Variants in SDR39U1 observed in about 807,000 individuals in gnomAD.
SDR39U1 encodes short chain dehydrogenase/reductase family 39U member 1.
In SDR39U1, 29 loss-of-function variants were observed where a neutral mutation model predicts 31.7. The observed-to-expected ratio is 0.92, with a 90% CI of 0.68 to 1.25. The LOEUF (loss-of-function observed/expected upper bound fraction) is 1.25, where lower values mean the gene tolerates loss of function less well. Among genes scored for constraint, SDR39U1 ranks in the 50% most tolerant of loss-of-function variants. The pLI is 0.00. For missense variants in SDR39U1, 403 were observed against 378.4 expected (o/e 1.06, Z -0.54); for synonymous variants, 147 against 159.0 (o/e 0.92, Z 0.57).
At chr14:24,441,855 C>T in intron 3 of SDR39U1, 60 bp from the exon 4 acceptor site, 1 of 1,560,514 alleles carries the variant, frequency 6.4e-7, no homozygotes, top group Non-Finnish European at 8.7e-7. Context: ...ATATCCCTCT[C>T]TCTGTCTTTT....
In SDR39U1 at chr14:24,440,439, G is replaced by A. The variant is rs747743173; in HGVS notation, c.526C>T (p.Arg176Cys). 5.0e-6 allele frequency: 8 copies of A among 1,611,736 alleles called. No individual in the cohort carries two copies. Among genetic ancestry groups the A allele is most frequent in the African/African-American group, 1.3e-5 (1 of 74,888 alleles). ...GAMGHMLLPF[R>C]LGLGGPIGSG... ...CCGATGGGGCCCCCCAGGCCCAGGC[G>A]AAAGGGCAGCAGCATGTGGCCCATG... The change falls in exon 6 of 6, where the codon CGC becomes TGC. Residue 176 changes from arginine to cysteine, a missense_variant. Physicochemically the swap from Arg to Cys is radical, Grantham distance 180 (BLOSUM62 -3). Coordinates refer to ENST00000399395, the MANE Select transcript of SDR39U1 (RefSeq NM_020195.3).
In SDR39U1 at chr14:24,442,262, T is replaced by A. The variant is rs752705077; in HGVS notation, c.124-2A>T. 3.7e-6 allele frequency: 6 copies of A among 1,608,870 alleles called. No homozygotes were observed. The highest frequency in any genetic ancestry group is 4.5e-5 in the East Asian group (2 of 44,604). Reference sequence around the variant, plus strand: ...CAGCCCCGATGCAGCGAGCTCATCCTGTCGGAGAAAGCACACAGTGCCCCT... The same window carrying A: ...CAGCCCCGATGCAGCGAGCTCATCCAGTCGGAGAAAGCACACAGTGCCCCT... On this transcript the variant is annotated splice_acceptor_variant, in intron 2 of 5. Coordinates refer to ENST00000399395, the MANE Select transcript of SDR39U1 (RefSeq NM_020195.3). LOFTEE classifies it high-confidence loss of function.
Position 24,440,126 on chromosome 14 carries a change from G to T in SDR39U1, c.839C>A (p.Ser280Tyr). 1 of 1,612,092 alleles carries T rather than the reference G, an allele frequency of 6.2e-7. No homozygotes were observed. The highest frequency in any genetic ancestry group is 8.5e-7 in the Non-Finnish European group (1 of 1,178,560). The change falls in exon 6 of 6, where the codon TCC (serine) becomes TAC (tyrosine). Residue 280 changes from serine (S) to tyrosine (Y), a missense_variant. Coordinates refer to ENST00000399395, the MANE Select transcript of SDR39U1 (RefSeq NM_020195.3). ...TAAGGCAGCCCCTAGCTCTGGGAAG[G>T]AATACTGGTAGCCAGTGGCCAGTGT... ...QRTLATGYQY[S>Y]FPELGAALKE...
intron 1 of SDR39U1, 86 bp downstream of exon 1, chr14:24,442,668 T>C: frequency 6.5e-7 from 1 of 1,550,308 alleles, no homozygotes; most frequent in Non-Finnish European, 8.9e-7. Context: ...GCCTGTGCAC[T>C]AGACAGTGCC....
chr14:24,442,471 T>C lies in SDR39U1; in HGVS notation c.17-19A>G. ...CCGCCACCTGATCGGAAAATACAAATTGTTTATATTCCCGTGGAGTTGGGG... is the reference window on the plus strand; with the variant it reads ...CCGCCACCTGATCGGAAAATACAAACTGTTTATATTCCCGTGGAGTTGGGG... On this transcript the variant is annotated intron_variant, in intron 1 of 5. Transcript: ENST00000399395. The C allele has an allele frequency of 1.9e-6, 3 of 1,577,846 alleles. No homozygotes were observed. The highest frequency in any genetic ancestry group is 2.6e-6 in the Non-Finnish European group (3 of 1,159,820).
intron 4 of SDR39U1, chr14:24,441,296 AG>A (rs2043331445): frequency 2.3e-6 from 1 of 442,766 alleles, no homozygotes; most frequent in Non-Finnish European, 4.1e-6. Flanking sequence ...CCTACCTCAT[AG>A]GGTTGTTGTA....
Position 24,442,258 on chromosome 14 carries a change from A to G in SDR39U1, c.126T>C (p.Asp42=). 6.2e-7 allele frequency: 1 copy of G among 1,608,774 alleles called. No individual in the cohort carries two copies. The part of the protein sequence containing the change: ...RKPGPGRITW[D]ELAASGLPSC... ...TCGGCAGCCCCGATGCAGCGAGCTCATCCTGTCGGAGAAAGCACACAGTGC... is the reference window on the plus strand; with the variant it reads ...TCGGCAGCCCCGATGCAGCGAGCTCGTCCTGTCGGAGAAAGCACACAGTGC... The change falls in exon 3 of 6, where the codon GAT becomes GAC. Residue 42 remains aspartate (D), a splice_region_variant and synonymous_variant. Coordinates refer to ENST00000399395, the MANE Select transcript of SDR39U1 (RefSeq NM_020195.3).
intron 4 of SDR39U1, chr14:24,441,213 C>G: frequency 1.9e-6 from 1 of 514,092 alleles, no homozygotes; most frequent in Non-Finnish European, 3.5e-6. Flanking sequence ...CATTTATTAA[C>G]TCTCTGACTT....
In SDR39U1 at chr14:24,442,445, C is replaced by T; in HGVS notation, c.24G>A (p.Gly8=). ...TTAGGGCTGTCCCAATGAAGCCTGT[C>T]CCGCCACCTGATCGGAAAATACAAA... MRVLVGG[G]TGFIGTALTQ... The change falls in exon 2 of 6, where the codon GGG becomes GGA. Residue 8 remains glycine (G), a synonymous_variant. Coordinates refer to ENST00000399395, the MANE Select transcript of SDR39U1 (RefSeq NM_020195.3). The T allele has an allele frequency of 1.2e-6, 2 of 1,604,954 alleles. No homozygotes were observed. Among genetic ancestry groups the T allele is most frequent in the Non-Finnish European group, 1.7e-6 (2 of 1,175,588 alleles).
chr14:24,441,359 T>C (rs2043334064), intron 4 of SDR39U1: 1 of 463,420 alleles, frequency 2.2e-6, no homozygotes, highest in Non-Finnish European at 3.8e-6. Flanking sequence ...CTGGTGTGTA[T>C]AATTGTTTGC....
At position 24,442,394 on chromosome 14, in the gene SDR39U1, G is replaced by C; in HGVS notation, c.75C>G (p.His25Gln). The change falls in exon 2 of 6, where the codon CAC becomes CAG. Residue 25 changes from histidine (H) to glutamine (Q), a missense_variant. His to Gln is a conservative substitution (Grantham distance 24, BLOSUM62 0). Transcript: ENST00000399395. The part of the protein sequence containing the change: ...ALTQLLNARG[H>Q]EVTLVSRKPG... ...GCTTTCGGGAGACCAACGTCACTTC[G>C]TGGCCTCTGGCATTCAGCAGCTGGG... 2 of 1,611,844 alleles carry C rather than the reference G, an allele frequency of 1.2e-6. No individual in the cohort carries two copies. Among genetic ancestry groups the C allele is most frequent in the Non-Finnish European group, 1.7e-6 (2 of 1,179,018 alleles).
upstream of SDR39U1, chr14:24,442,825 G>T: frequency 1.3e-6 from 2 of 1,595,480 alleles, no homozygotes; most frequent in Non-Finnish European, 1.7e-6. Context: ...CACCTCAGAC[G>T]CGACTACGAC....
In SDR39U1 at chr14:24,442,217, A is replaced by ACGGCGGCATCGCAGCTCGG. The variant is rs1341073030; in HGVS notation, c.148_166dup (p.Val56AlafsTer23). On this transcript the variant is annotated frameshift_variant, in exon 3 of 6. Transcript: ENST00000399395. LOFTEE classifies it high-confidence loss of function. ...GAGGATGTTCTCTCCGGCCAGGTTG[A>ACGGCGGCATCGCAGCTCGG]CGGCGGCATCGCAGCTCGGCAGCCC... 1 of 1,611,772 alleles carries ACGGCGGCATCGCAGCTCGG rather than the reference A, an allele frequency of 6.2e-7. No homozygotes were observed. Among genetic ancestry groups the ACGGCGGCATCGCAGCTCGG allele is most frequent in the Non-Finnish European group, 8.5e-7 (1 of 1,179,118 alleles).
chr14:24,441,149 G>A (rs1473924676), intron 4 of SDR39U1: 2 of 652,096 alleles, frequency 3.1e-6, no homozygotes, highest in Non-Finnish European at 5.5e-6. Flanking sequence ...CTAGAGTGTA[G>A]TGGTTAAGAA....
chr14:24,440,097 C>T lies in SDR39U1; in HGVS notation c.868G>A (p.Glu290Lys). The T allele has an allele frequency of 6.2e-7, 1 of 1,601,516 alleles. No homozygotes were observed. Residue 290 changes from glutamate to lysine, a missense_variant, in exon 6 of 6, where the codon GAA becomes AAA. Glu to Lys is a moderately conservative substitution (Grantham distance 56). Coordinates refer to ENST00000399395, the MANE Select transcript of SDR39U1 (RefSeq NM_020195.3). Reference sequence around the variant, plus strand: ...CCACGACCTACTTAGGCTACAATTTCCTTTAAGGCAGCCCCTAGCTCTGGG... The same window carrying T: ...CCACGACCTACTTAGGCTACAATTTTCTTTAAGGCAGCCCCTAGCTCTGGG... ...SFPELGAALKEIVA is the reference protein window; with the variant it reads ...SFPELGAALKKIVA
At chr14:24,440,586 C>T in intron 5 of SDR39U1, 94 bp from the exon 6 acceptor site, 2 of 1,456,878 alleles carry the variant, frequency 1.4e-6, no homozygotes, top group Non-Finnish European at 1.9e-6. Flanking sequence ...CTCACTCTCC[C>T]CATGCTGACT....
rs991904052 is a variant in SDR39U1, at chr14:24,439,994, C to T, written c.*89G>A. On this transcript the variant is annotated 3_prime_UTR_variant, in exon 6 of 6. Coordinates refer to ENST00000399395, the MANE Select transcript of SDR39U1 (RefSeq NM_020195.3). ...GGAGAGGAATCTAAGAACCAGATGG[C>T]TTCAGCTCTCTAGAGGAGCTGAGCC... The T allele has an allele frequency of 9.2e-6, 10 of 1,091,586 alleles. No homozygotes were observed. Among genetic ancestry groups the T allele is most frequent in the Non-Finnish European group, 1.3e-5 (10 of 771,834 alleles). The allele number at this position is 1,091,586 out of a possible 1,614,324, so 67.6% of individuals were successfully genotyped here. A position where few individuals can be genotyped will look rare whatever the true frequency, so the allele number is the denominator to read the frequency against.
intron 2 of SDR39U1, 30 bp from the exon 3 acceptor site, chr14:24,442,290 C>A: frequency 3.1e-6 from 5 of 1,602,462 alleles, no homozygotes; most frequent in Non-Finnish European, 4.3e-6. Context: ...GTGCCCCTGC[C>A]CCGCCCTGCG....
At chr14:24,440,651 C>T (rs1475378575) in intron 5 of SDR39U1, 132 bp downstream of exon 5, 3 of 1,361,622 alleles carry the variant, frequency 2.2e-6, no homozygotes, top group South Asian at 1.3e-5. Context: ...CACACCTTCT[C>T]ATCTGCAGGT....
Sources: gnomAD v4.1 joint callset for allele counts on GRCh38, gnomAD v4.1.1 for gene constraint, MANE v1.5 for transcripts, NCBI Gene and HGNC (gene_info 2026-07-23, HGNC 2026-07-21) for gene names.